The following CLVS1 variants were observed in gnomAD, a reference collection of about 807,000 sequenced individuals.
CLVS1 encodes clavesin-1.
A neutral mutation model predicts 33.1 loss-of-function variants in CLVS1; 10 were observed. The observed-to-expected ratio is 0.30, with a 90% CI of 0.19 to 0.51. The LOEUF is 0.51. CLVS1 is among the 20% of genes least tolerant of loss of function. The pLI is 0.97. For synonymous variants in CLVS1, 163 were observed against 166.1 expected (o/e 0.98, Z 0.14); for missense variants, 343 against 433.4 (o/e 0.79, Z 1.85).
the CLVS1 span, among the ~76,000 whole-genome samples, chr8:61,028,165 A>G: frequency 6.6e-6 from 1 of 152,226 alleles, no homozygotes; most frequent in Non-Finnish European, 1.5e-5. Flanking sequence ...AGACAAATCT[A>G]TTTGGCAAGG....
chr8:61,012,142 C>T, the CLVS1 span, among the ~76,000 whole-genome samples: 1,631 of 152,252 alleles, frequency 0.011, 29 homozygotes, highest in African/African-American at 0.035. Context: ...CAAAGATGTC[C>T]AGCTTTCCCC....
At chr8:60,984,532 T>C in the CLVS1 span, among the ~76,000 whole-genome samples, 42 of 152,252 alleles carry the variant, frequency 2.8e-4, no homozygotes, top group East Asian at 7.5e-3. Context: ...TTCACCATGT[T>C]GGCCAGGCTG....
chr8:61,251,374 G>GT (rs1396247460), intron 2 of CLVS1, among the ~76,000 whole-genome samples: 1 of 151,792 alleles, frequency 6.6e-6, no homozygotes, highest in Non-Finnish European at 1.5e-5. Context: ...GTGAAATTTT[G>GT]TTTTTTTGTG....
intron 1 of CLVS1, among the ~76,000 whole-genome samples, chr8:61,088,667 T>A (rs1238908354): frequency 6.6e-6 from 1 of 152,188 alleles, no homozygotes; most frequent in Admixed American, 6.5e-5. Flanking sequence ...AGAGTATCAC[T>A]TTTTAATTTC....
intron 2 of CLVS1, among the ~76,000 whole-genome samples, chr8:61,165,238 C>A (rs1040185646): frequency 6.6e-6 from 1 of 152,164 alleles, no homozygotes; most frequent in Non-Finnish European, 1.5e-5. Context: ...GGCGGGTCTG[C>A]GACAGTGGCA....
At chr8:61,214,189 C>CGGACCTGT (rs970250139) in intron 2 of CLVS1, among the ~76,000 whole-genome samples, 10 of 152,154 alleles carry the variant, frequency 6.6e-5, no homozygotes, top group Non-Finnish European at 4.4e-5. Context: ...AATTTCACCT[C>CGGACCTGT]GGTCCTGTGG....
At chr8:61,237,395 C>G (rs958357091) in intron 2 of CLVS1, among the ~76,000 whole-genome samples, 1 of 152,150 alleles carries the variant, frequency 6.6e-6, no homozygotes, top group Non-Finnish European at 1.5e-5. Flanking sequence ...TGGCAGTGAG[C>G]TATGATTGCA....
At chr8:61,076,875 T>C (rs1425919099) in intron 1 of CLVS1, among the ~76,000 whole-genome samples, 1 of 152,208 alleles carries the variant, frequency 6.6e-6, no homozygotes, top group Non-Finnish European at 1.5e-5. Flanking sequence ...AATGCAATGG[T>C]ATATTTCCCA....
At chr8:61,402,365 A>T (rs1223836064) in intron 3 of CLVS1, among the ~76,000 whole-genome samples, 1 of 152,098 alleles carries the variant, frequency 6.6e-6, no homozygotes, top group African/African-American at 2.4e-5. Flanking sequence ...ATATCTTCCT[A>T]GGGATCCTTA....
intron 2 of CLVS1, among the ~76,000 whole-genome samples, chr8:61,243,088 T>G (rs1443571106): frequency 6.6e-6 from 1 of 152,242 alleles, no homozygotes; most frequent in African/African-American, 2.4e-5. Context: ...TGTTCTGGGT[T>G]CTGTCATATT....
At chr8:61,200,986 G>C (rs914786881) in intron 2 of CLVS1, among the ~76,000 whole-genome samples, 2 of 152,138 alleles carry the variant, frequency 1.3e-5, no homozygotes, top group Non-Finnish European at 2.9e-5. Flanking sequence ...AGCCATAACC[G>C]ATCATGGTGA....
intron 2 of CLVS1, among the ~76,000 whole-genome samples, chr8:61,282,288 G>T (rs1809685632): frequency 6.6e-6 from 1 of 152,190 alleles, no homozygotes; most frequent in Admixed American, 6.5e-5. Flanking sequence ...TTGAGTAGCA[G>T]AGGCCATAAT....
the CLVS1 span, among the ~76,000 whole-genome samples, chr8:61,004,951 A>G: frequency 1.9e-5 from 2 of 102,680 alleles, no homozygotes; most frequent in Non-Finnish European, 4.4e-5. Flanking sequence ...TTAAAACAAA[A>G]CAAGACAAAA....
intron 1 of CLVS1, among the ~76,000 whole-genome samples, chr8:61,094,317 C>T (rs565107917): frequency 2.0e-5 from 3 of 152,274 alleles, no homozygotes; most frequent in South Asian, 2.1e-4. Context: ...GGGGCACTGA[C>T]GCTGGGGGTG....
intron 1 of CLVS1, among the ~76,000 whole-genome samples, chr8:61,116,917 G>A (rs573930016): frequency 2.0e-3 from 296 of 146,388 alleles, no homozygotes; most frequent in Admixed American, 4.1e-3. Context: ...GAAAGGCATT[G>A]GTAGCTTGAT....
At chr8:61,137,266 G>T (rs539491274) in intron 2 of CLVS1, among the ~76,000 whole-genome samples, 15 of 152,154 alleles carry the variant, frequency 9.9e-5, no homozygotes, top group African/African-American at 3.6e-4. Flanking sequence ...AGTACCTGCT[G>T]GTGCCAGGTA....
rs141670307 is a variant in CLVS1, at chr8:61,160,300, T to C, written c.-152+28440T>C. Among the ~76,000 whole-genome samples, 303 of 152,362 alleles carry C rather than the reference T, an allele frequency of 2.0e-3. 1 individual carries two copies. Among genetic ancestry groups the C allele is most frequent in the African/African-American group, 6.8e-3 (282 of 41,580 alleles). On this transcript the variant is annotated intron_variant, in intron 2 of 2. Transcript: ENST00000522621. ...ATTAAAAATGACTGAAATCAGTATC[T>C]GATTCATGAGGAACATTTGCTTGTT... is the stretch of plus-strand genomic sequence containing the variant.
intron 1 of CLVS1, among the ~76,000 whole-genome samples, chr8:61,290,528 T>C (rs771504596): frequency 6.6e-6 from 1 of 152,238 alleles, no homozygotes; most frequent in Non-Finnish European, 1.5e-5. Context: ...GGAAGGTCTT[T>C]CATTTCCCAA....
chr8:61,107,692 C>T (rs570358657), intron 1 of CLVS1, among the ~76,000 whole-genome samples: 3 of 152,346 alleles, frequency 2.0e-5, no homozygotes, highest in East Asian at 1.9e-4. Context: ...AGATGAGCAT[C>T]GCTGCTTCAT....
Sources: gnomAD v4.1 joint callset for allele counts (sites outside exome capture counted in the v4.1 genomes callset) on GRCh38, gnomAD v4.1.1 for gene constraint, MANE v1.5 for transcripts, NCBI Gene and HGNC (gene_info 2026-07-23, HGNC 2026-07-21) for gene names.